ATP11A: variants seen among roughly 807,000 people sequenced by gnomAD.
The protein encoded by ATP11A is ATPase phospholipid transporting 11A.
Under a neutral mutation model 154.4 loss-of-function variants are expected in ATP11A, and 81 were observed. The ratio of observed to expected loss-of-function variants is 0.52; its 90% CI spans 0.44 to 0.63. The LOEUF is 0.63. Among genes scored for constraint, ATP11A ranks in the 30% least tolerant of loss-of-function variants. ATP11A has a pLI of 0.00. For missense variants in ATP11A, 1,316 were observed against 1,474.3 expected, an observed-to-expected ratio of 0.89 and a Z score of 1.76; for synonymous variants, 623 against 585.9, an observed-to-expected ratio of 1.06 and a Z score of -0.91.
chr13:112,871,021 G>T (rs772469923), intron 25 of ATP11A, among the ~76,000 whole-genome samples: 1 of 152,240 alleles, frequency 6.6e-6, no homozygotes, highest in Non-Finnish European at 1.5e-5. Flanking sequence ...TGGCGGATCT[G>T]TGGTTCTGGC....
At position 112,753,574 on chromosome 13, in the gene ATP11A, G is replaced by GT; in HGVS notation, c.40-31558dup. Among the ~76,000 whole-genome samples, 1 of 152,272 alleles carries GT rather than the reference G, an allele frequency of 6.6e-6. No individual in the cohort carries two copies. The highest frequency in any genetic ancestry group is 1.9e-4 in the East Asian group (1 of 5,194). ...AGGCAGGTTGAGAATCTTTTTATGT[G>GT]TTTAAGTCCATTTGCTGTTCTTTTC... is the stretch of plus-strand genomic sequence containing the variant. On this transcript the variant is annotated intron_variant, in intron 1 of 29. Transcript: ENST00000375645. This position sits in a 1 kb window ranked among gnomAD's most constrained non-coding sequence, Gnocchi z 4.1.
intron 1 of ATP11A, among the ~76,000 whole-genome samples, chr13:112,718,308 C>A (rs927940935): frequency 6.6e-6 from 1 of 152,158 alleles, no homozygotes; most frequent in South Asian, 2.1e-4. Flanking sequence ...TTTTAAATTT[C>A]TTTTCAGGTG....
At chr13:112,768,445 G>A (rs189758029) in intron 1 of ATP11A, among the ~76,000 whole-genome samples, 6 of 152,304 alleles carry the variant, frequency 3.9e-5, no homozygotes, top group Admixed American at 3.3e-4. Flanking sequence ...ACAGACTGTC[G>A]CCAGCTGAGC....
chr13:112,699,452 T>C (rs1017126601), intron 1 of ATP11A, among the ~76,000 whole-genome samples: 6 of 152,216 alleles, frequency 3.9e-5, no homozygotes, highest in African/African-American at 1.4e-4. Flanking sequence ...TGGTATTATG[T>C]CACACATCAT....
chr13:112,723,285 T>TCCCCCCCTCCCCCCACCCC (rs1566382964), intron 1 of ATP11A, among the ~76,000 whole-genome samples: 4 of 11,394 alleles, frequency 3.5e-4, no homozygotes, highest in Non-Finnish European at 4.9e-4. Context: ...GCCACAGAGT[T>TCCCCCCCTCCCCCCACCCC]CCCCACCTCC....
At chr13:112,849,649 A>G (rs749404976) in intron 17 of ATP11A, among the ~76,000 whole-genome samples, 1 of 152,254 alleles carries the variant, frequency 6.6e-6, no homozygotes. Context: ...TAACTTGATC[A>G]ACAGGTGCAC....
At chr13:112,831,650 C>A in intron 13 of ATP11A, 102 bp downstream of exon 13, 1 of 1,381,840 alleles carries the variant, frequency 7.2e-7, no homozygotes, top group Non-Finnish European at 9.9e-7. Context: ...AATCCAGGCC[C>A]TCTCTACGGA....
intron 1 of ATP11A, among the ~76,000 whole-genome samples, chr13:112,772,124 A>C (rs1450700224): frequency 6.6e-6 from 1 of 152,180 alleles, no homozygotes; most frequent in African/African-American, 2.4e-5. Context: ...TTATTAAGCA[A>C]ATCACCTTAT....
intron 1 of ATP11A, among the ~76,000 whole-genome samples, chr13:112,762,606 C>T (rs373147851): frequency 2.0e-4 from 31 of 152,300 alleles, no homozygotes; most frequent in African/African-American, 7.2e-4. Context: ...TTGGGTGTGA[C>T]GCAGGCTGGA....
chr13:112,751,422 G>A (rs1215103528), intron 1 of ATP11A, among the ~76,000 whole-genome samples: 1 of 152,170 alleles, frequency 6.6e-6, no homozygotes, highest in East Asian at 1.9e-4. Context: ...CACTTTGGGA[G>A]GCTGAGTTGG....
intron 26 of ATP11A, among the ~76,000 whole-genome samples, chr13:112,872,409 G>A (rs905884588): frequency 1.3e-5 from 2 of 152,170 alleles, no homozygotes; most frequent in African/African-American, 2.4e-5. Flanking sequence ...TCAGCAGTTC[G>A]AGACCAGCCT....
chr13:112,762,442 C>T (rs569360596), intron 1 of ATP11A, among the ~76,000 whole-genome samples: 5 of 152,262 alleles, frequency 3.3e-5, no homozygotes, highest in Non-Finnish European at 5.9e-5. Flanking sequence ...TATGGGCCCC[C>T]GAGACTGCTG....
chr13:112,788,083 G>T (rs1002265338), intron 2 of ATP11A, among the ~76,000 whole-genome samples: 3 of 148,862 alleles, frequency 2.0e-5, no homozygotes, highest in African/African-American at 7.4e-5. Flanking sequence ...ATTCACACCG[G>T]GTGTCCTGAT....
At chr13:112,873,279 G>C (rs9549591) in intron 26 of ATP11A, among the ~76,000 whole-genome samples, 1 of 149,020 alleles carries the variant, frequency 6.7e-6, no homozygotes, top group African/African-American at 2.6e-5. Context: ...TTCCTGAGCG[G>C]TGTGAGGTGT....
intron 28 of ATP11A, among the ~76,000 whole-genome samples, chr13:112,876,769 A>G (rs2080739523): frequency 6.6e-6 from 1 of 152,202 alleles, no homozygotes; most frequent in Non-Finnish European, 1.5e-5. Flanking sequence ...GGTGGGAGGA[A>G]GACGGGGAGT....
chr13:112,751,503 T>G (rs993263822), intron 1 of ATP11A, among the ~76,000 whole-genome samples: 1 of 151,856 alleles, frequency 6.6e-6, no homozygotes, highest in African/African-American at 2.4e-5. Context: ...CTATTAAAAA[T>G]ACAAAAATTA....
chr13:112,832,616 C>A (rs548432634), intron 13 of ATP11A, among the ~76,000 whole-genome samples: 2 of 152,196 alleles, frequency 1.3e-5, no homozygotes, highest in East Asian at 3.9e-4. Context: ...CTAGAAGTGT[C>A]GGTGCTGAAC....
chr13:112,816,186 G>T lies in ATP11A; in HGVS notation c.545G>T (p.Ser182Ile). The change falls in exon 6 of 30, where the codon AGC (serine) becomes ATC (isoleucine). Residue 182 changes from serine (S) to isoleucine (I), a missense_variant. Ser to Ile is a moderately radical substitution (Grantham distance 142). Around this residue, in one of 5 missense-constraint regions of ATP11A, gnomAD observed 876 missense variants for 1,006.8 expected, o/e 0.87. Transcript: ENST00000375645. ...GGGACGTGCCACGTCACCACCGCCA[G>T]CTTGGATGGAGAATCCAGCCATAAA... ...GDGTCHVTTA[S>I]LDGESSHKTH... 1 of 1,614,194 alleles carries T rather than the reference G, an allele frequency of 6.2e-7. No individual in the cohort carries two copies. The highest frequency in any genetic ancestry group is 8.5e-7 in the Non-Finnish European group (1 of 1,180,034).
chr13:112,785,988 C>T lies in ATP11A; in HGVS notation c.162+731C>T, dbSNP rs1222828895. Among the ~76,000 whole-genome samples the T allele has an allele frequency of 7.4e-6, 1 of 135,326 alleles. No individual in the cohort carries two copies. The highest frequency in any genetic ancestry group is 7.4e-5 in the Admixed American group (1 of 13,480). The allele number at this position is 135,326 out of a possible 152,430, so 88.8% of individuals were successfully genotyped here. A position where few individuals can be genotyped will look rare whatever the true frequency, so the allele number is the denominator to read the frequency against. On this transcript the variant is annotated intron_variant, in intron 2 of 29. Transcript: ENST00000375645. The surrounding 1 kb of genome is among the most constrained non-coding windows in gnomAD (Gnocchi z 4.8). ...TCCTTCAAAATGGATGAGCTAAACC[C>T]ACGCACACGCGTGGACGGGCTGCAC...
Sources: gnomAD v4.1 joint callset for allele counts (sites outside exome capture counted in the v4.1 genomes callset) on GRCh38, gnomAD v4.1.1 for gene constraint, gnomAD v4.1.1 regional missense constraint, Gnocchi (gnomAD v3.1) non-coding constraint, MANE v1.5 for transcripts, NCBI Gene and HGNC (gene_info 2026-07-23, HGNC 2026-07-21) for gene names.